The following WDR44 variants were observed in gnomAD, a reference collection of about 807,000 sequenced individuals.
WDR44 encodes the protein WD repeat-containing protein 44.
WDR44 carries 9 observed loss-of-function variants against 65.7 expected under a neutral mutation model. The observed-to-expected ratio is 0.14, with a 90% CI of 0.08 to 0.24. The LOEUF (loss-of-function observed/expected upper bound fraction) is 0.24. WDR44 is among the 10% of genes least tolerant of loss of function. The pLI is 1.00. For synonymous variants in WDR44, 220 were observed against 235.2 expected (o/e 0.94, Z 0.59); for missense variants, 425 against 670.9 (o/e 0.63, Z 4.05).
chrX:118,375,678 C>G (rs956552429), intron 1 of WDR44, among the ~76,000 whole-genome samples: 3 of 111,349 alleles, frequency 2.7e-5, no homozygotes, highest in African/African-American at 9.8e-5. Flanking sequence ...TCTAGATAAA[C>G]AGGATTTTGA....
At chrX:118,378,802 G>T (rs1220372428) in intron 2 of WDR44, among the ~76,000 whole-genome samples, 1 of 105,929 alleles carries the variant, frequency 9.4e-6, no homozygotes, top group Non-Finnish European at 1.9e-5. Flanking sequence ...GGGGGGCTGA[G>T]GTGGGCAGAT....
At chrX:118,389,581 C>T (rs1327336515) in intron 3 of WDR44, among the ~76,000 whole-genome samples, 2 of 108,945 alleles carry the variant, frequency 1.8e-5, no homozygotes, top group Non-Finnish European at 3.8e-5. Context: ...ATTAGCTGGG[C>T]GTGGTGGCGT....
At chrX:118,356,202 C>T (rs1201632986) in intron 1 of WDR44, among the ~76,000 whole-genome samples, 1 of 112,081 alleles carries the variant, frequency 8.9e-6, no homozygotes, top group Non-Finnish European at 1.9e-5. Context: ...TAAGCTTTGA[C>T]ATAATTGATT....
In WDR44 at chrX:118,449,011, CAT is replaced by C; in HGVS notation, c.*27_*28del. 9.6e-7 allele frequency: 1 copy of C among 1,045,198 alleles called. No homozygotes were observed. Among genetic ancestry groups the C allele is most frequent in the Non-Finnish European group, 1.3e-6 (1 of 757,922 alleles). The allele number at this position is 1,045,198 out of a possible 1,213,427, so 86.1% of individuals were successfully genotyped here. A position where few individuals can be genotyped will look rare whatever the true frequency, so the allele number is the denominator to read the frequency against. ...AATTTGAAATGGCATTTAAAATAAA[CAT>C]ATCAGTAAGTTTCTATATGTATCAA... On this transcript the variant is annotated 3_prime_UTR_variant, in exon 20 of 20. Coordinates refer to ENST00000254029, the MANE Select transcript of WDR44 (RefSeq NM_019045.5).
chrX:118,442,336 A>T lies in WDR44; in HGVS notation c.2259A>T (p.Gly753=). The change falls in exon 16 of 20, where the codon GGA becomes GGT. Residue 753 remains glycine, a synonymous_variant. Transcript: ENST00000254029. ...RKITGIEPLP[G]ENKILVTSND... ...TTACTGGCATTGAGCCTTTACCTGG[A>T]GAAAATAAGGTACTACAGTATTCAA... 2 of 1,194,772 alleles carry T rather than the reference A, an allele frequency of 1.7e-6. No homozygotes were observed. Among genetic ancestry groups the T allele is most frequent in the Non-Finnish European group, 2.3e-6 (2 of 879,774 alleles).
At chrX:118,406,048 C>A (rs1453220546) in intron 9 of WDR44, among the ~76,000 whole-genome samples, 1 of 111,021 alleles carries the variant, frequency 9.0e-6, no homozygotes, top group African/African-American at 3.3e-5. Flanking sequence ...GGCCAAGGAG[C>A]AGGATTGCTT....
intron 12 of WDR44, among the ~76,000 whole-genome samples, chrX:118,427,809 G>A (rs2057171621): frequency 9.4e-6 from 1 of 106,843 alleles, no homozygotes; most frequent in Admixed American, 1.0e-4. Flanking sequence ...CGAGTAGCTG[G>A]GACTGCAGGC....
intron 12 of WDR44, among the ~76,000 whole-genome samples, chrX:118,430,737 A>C (rs776419030): frequency 6.3e-5 from 7 of 111,511 alleles, no homozygotes; most frequent in Non-Finnish European, 1.1e-4. Flanking sequence ...GCTACTTGGG[A>C]AGCTGAGGCA....
rs1269369362 is a variant in WDR44, at chrX:118,352,599, G to A, written c.77+6019G>A. 2.8e-5 allele frequency among the ~76,000 whole-genome samples: 3 copies of A among 108,427 alleles called. No homozygotes were observed. In the East Asian group the frequency reaches 8.6e-4, roughly 31 times the overall value. The allele number at this position is 108,427 out of a possible 115,157, so 94.2% of individuals were successfully genotyped here. ...TAATTATTGGTATTTTAGACTTACT[G>A]TCTAACCTTTACATTACCCAACACT... On this transcript the variant is annotated intron_variant, in intron 1 of 19. Coordinates refer to ENST00000254029, the MANE Select transcript of WDR44 (RefSeq NM_019045.5).
intron 1 of WDR44, 78 bp downstream of exon 1, chrX:118,346,658 C>G: frequency 1.2e-6 from 1 of 812,254 alleles, no homozygotes; most frequent in African/African-American, 2.1e-5. Context: ...CTACACCCCT[C>G]CCAGGTCCCG....
At chrX:118,402,004 T>G (rs1038240776) in intron 8 of WDR44, among the ~76,000 whole-genome samples, 1 of 105,664 alleles carries the variant, frequency 9.5e-6, no homozygotes, top group African/African-American at 3.6e-5. Context: ...CTGTTTTTTG[T>G]TTTTTTTGTT....
At chrX:118,424,834 A>T (rs925736742) in intron 12 of WDR44, among the ~76,000 whole-genome samples, 3 of 111,818 alleles carry the variant, frequency 2.7e-5, no homozygotes, top group Admixed American at 9.6e-5. Context: ...TTACAGCTTC[A>T]GGCCTTACAT....
At chrX:118,444,336 T>C (rs1202044496) in intron 18 of WDR44, 24 bp from the exon 19 acceptor site, 3 of 1,200,245 alleles carry the variant, frequency 2.5e-6, no homozygotes, top group Admixed American at 4.4e-5. Flanking sequence ...TTGTCAGTTA[T>C]CCTGAAGTAA....
chrX:118,436,581 C>T (rs183260813), intron 13 of WDR44, 121 bp from the exon 14 acceptor site: 29 of 786,328 alleles, frequency 3.7e-5, no homozygotes, highest in African/African-American at 1.4e-4. Flanking sequence ...TTGTTCTTTC[C>T]GATGCTGCAT....
Position 118,394,044 on chromosome X carries a change from TATC to T in WDR44, c.827-8_827-6del, listed in dbSNP as rs759120290. On this transcript the variant is annotated splice_region_variant and splice_polypyrimidine_tract_variant and intron_variant, in intron 4 of 19. Coordinates refer to ENST00000254029, the MANE Select transcript of WDR44 (RefSeq NM_019045.5). ...GGGTTGTTATTATTGTTGTTATTAT[TATC>T]ATTGCAGTTCCCAAAGAGAATATTA... 2.2e-3 allele frequency: 2,583 copies of T among 1,199,573 alleles called. 3 individuals carry two copies. The highest frequency in any genetic ancestry group is 2.2e-3 in the Non-Finnish European group (1,974 of 886,960).
At chrX:118,430,386 AC>A (rs1412683341) in intron 12 of WDR44, among the ~76,000 whole-genome samples, 69 of 106,701 alleles carry the variant, frequency 6.5e-4, no homozygotes, top group African/African-American at 2.3e-3. Flanking sequence ...TACCAAAAAT[AC>A]AAAAATTAGC....
chrX:118,378,736 T>TGTGTGTG (rs1569362857), intron 2 of WDR44, among the ~76,000 whole-genome samples: 2 of 61,037 alleles, frequency 3.3e-5, no homozygotes, highest in African/African-American at 2.9e-4. Flanking sequence ...GTGTGTGTGT[T>TGTGTGTG]GAAAAAGTGA....
At chrX:118,387,611 A>G (rs1244597499) in intron 3 of WDR44, among the ~76,000 whole-genome samples, 197 bp downstream of exon 3, 1 of 112,036 alleles carries the variant, frequency 8.9e-6, no homozygotes, top group East Asian at 2.8e-4. Context: ...CTAATTGGTA[A>G]TTTATCCTTG....
intron 8 of WDR44, among the ~76,000 whole-genome samples, chrX:118,398,746 G>A (rs1602923188): frequency 8.9e-6 from 1 of 111,753 alleles, no homozygotes; most frequent in East Asian, 2.8e-4. Flanking sequence ...GGCCAACATG[G>A]TGAAACCCCA....
Sources: allele counts gnomAD v4.1 joint callset (sites outside exome capture counted in the v4.1 genomes callset), GRCh38; gene constraint gnomAD v4.1.1; transcripts MANE v1.5; gene names NCBI Gene and HGNC (gene_info 2026-07-23, HGNC 2026-07-21).